Variants in SLC4A9 observed in about 807,000 individuals in gnomAD.
SLC4A9 encodes the protein solute carrier family 4 member 9, also known as anion exchange protein 4.
Under a neutral mutation model 103.2 loss-of-function variants are expected in SLC4A9, and 102 were observed. That is an observed-to-expected ratio of 0.99 (90% confidence interval 0.84 to 1.17). SLC4A9 has a LOEUF of 1.17. Among genes scored for constraint, SLC4A9 ranks in the 50% most tolerant of loss-of-function variants. The pLI is 0.00. For missense variants in SLC4A9, 1,091 were observed against 1,193.7 expected (o/e 0.91, Z 1.27); for synonymous variants, 453 against 483.6 (o/e 0.94, Z 0.83).
Position 140,362,538 on chromosome 5 carries a change from CT to C in SLC4A9, c.807+7del. On this transcript the variant is annotated splice_region_variant and intron_variant, in intron 6 of 21. Transcript: ENST00000506757. ...CTGTCCTCCTCAGTGACCCGGTGAG[CT>C]GAGCAGGTGTGTGTGTGTGCGCGCG... 6.2e-7 allele frequency: 1 copy of C among 1,613,766 alleles called. No homozygotes were observed.
chr5:140,361,471 C>A, intron 3 of SLC4A9, 104 bp downstream of exon 3: 1 of 944,520 alleles, frequency 1.1e-6, no homozygotes, highest in Non-Finnish European at 1.6e-6. Context: ...TTAGTTCAGG[C>A]TCCAACCCAG....
chr5:140,370,192 G>A (rs1186820154), intron 17 of SLC4A9, among the ~76,000 whole-genome samples: 4 of 152,086 alleles, frequency 2.6e-5, no homozygotes, highest in African/African-American at 9.6e-5. Context: ...AGCCAGGCAC[G>A]GTGGCTCACG....
chr5:140,371,403 A>T, intron 18 of SLC4A9, 48 bp from the exon 19 acceptor site: 1 of 1,607,974 alleles, frequency 6.2e-7, no homozygotes, highest in African/African-American at 1.3e-5. Flanking sequence ...ACACCCTCCT[A>T]TCAGGCTACC....
intron 14 of SLC4A9, among the ~76,000 whole-genome samples, chr5:140,366,618 TA>T (rs1290970086): frequency 6.6e-6 from 1 of 152,106 alleles, no homozygotes; most frequent in Non-Finnish European, 1.5e-5. Flanking sequence ...AAAATGGAAA[TA>T]ATAAAATGAC....
Position 140,362,162 on chromosome 5 carries a change from C to T in SLC4A9, c.707C>T (p.Ser236Phe), listed in dbSNP as rs267600375. The stretch of plus-strand genomic sequence containing the variant: ...GTACTGGGGTCCCTTACTGAGGTGT[C>T]CCTCCCAAGCAGGTGAGGCTACTGA... The part of the protein sequence containing the change: ...PVVLGSLTEV[S>F]LPSRFFCLLL... Residue 236 changes from serine (S) to phenylalanine (F), a missense_variant, in exon 5 of 22, where the codon TCC becomes TTC. Ser to Phe is a radical substitution (Grantham distance 155). Coordinates refer to ENST00000506757, the MANE Select transcript of SLC4A9 (RefSeq NM_031467.3). The T allele has an allele frequency of 6.5e-7, 1 of 1,539,342 alleles. No individual in the cohort carries two copies. The highest frequency in any genetic ancestry group is 2.3e-5 in the East Asian group (1 of 44,050).
chr5:140,371,756 C>A, intron 19 of SLC4A9, 132 bp downstream of exon 19: 2 of 1,077,558 alleles, frequency 1.9e-6, no homozygotes, highest in African/African-American at 1.6e-5. Flanking sequence ...GTTGGGAATC[C>A]TAAGACAAAG....
intron 17 of SLC4A9, among the ~76,000 whole-genome samples, chr5:140,370,058 A>C (rs1768473746): frequency 6.6e-6 from 1 of 152,146 alleles, no homozygotes; most frequent in African/African-American, 2.4e-5. Context: ...ACAAAAAAAC[A>C]AACAAAAACC....
At position 140,363,417 on chromosome 5, in the gene SLC4A9, C is replaced by G; in HGVS notation, c.963-22C>G. On this transcript the variant is annotated intron_variant, in intron 7 of 21. Transcript: ENST00000506757. The surrounding 1 kb of genome is among the most constrained non-coding windows in gnomAD (Gnocchi z 4.5). Reference sequence around the variant, plus strand: ...GACTGGTTGGAGATCCTCAGCCAACCTGGGGTTCCCCTCCTCCTCAGGCTT... The same window carrying G: ...GACTGGTTGGAGATCCTCAGCCAACGTGGGGTTCCCCTCCTCCTCAGGCTT... 5.2e-6 allele frequency: 8 copies of G among 1,548,468 alleles called. No homozygotes were observed. Among genetic ancestry groups the G allele is most frequent in the Non-Finnish European group, 7.0e-6 (8 of 1,144,696 alleles).
chr5:140,374,793 T>A (rs1330335190), intron 21 of SLC4A9, 34 bp from the exon 22 acceptor site: 1 of 152,134 alleles, frequency 6.6e-6, no homozygotes, highest in Admixed American at 6.6e-5. Context: ...ACTCAGGAAG[T>A]CAGGACATTT....
chr5:140,367,288 GCA>G, intron 14 of SLC4A9, 130 bp from the exon 15 acceptor site: 2 of 1,092,350 alleles, frequency 1.8e-6, no homozygotes, highest in Non-Finnish European at 1.3e-6. Context: ...AACCAGCTAT[GCA>G]CACACAGCCC....
Position 140,360,853 on chromosome 5 carries a change from G to A in SLC4A9, c.272G>A (p.Arg91Gln), listed in dbSNP as rs144340674. The A allele has an allele frequency of 1.7e-4, 269 of 1,613,092 alleles. No homozygotes were observed. The Middle Eastern group carries it at 2.0e-3, about 12-fold the overall frequency. ...FEEKLEVAAG[R>Q]WSAPHVPTLA... ...GAGAAGTTGGAGGTGGCTGCAGGCCGGTGGAGTGCCCCCCACGTGCCCACC... is the reference window on the plus strand; with the variant it reads ...GAGAAGTTGGAGGTGGCTGCAGGCCAGTGGAGTGCCCCCCACGTGCCCACC... Residue 91 changes from arginine to glutamine, a missense_variant, in exon 2 of 22, where the codon CGG (arginine) becomes CAG (glutamine). Transcript: ENST00000506757.
chr5:140,373,210 C>G (rs574744501), intron 21 of SLC4A9, among the ~76,000 whole-genome samples: 18 of 152,280 alleles, frequency 1.2e-4, no homozygotes, highest in South Asian at 4.1e-4. Flanking sequence ...AAGGCTCCCC[C>G]CTTAGGCTGC....
chr5:140,363,554 A>C lies in SLC4A9; in HGVS notation c.1078A>C (p.Arg360=), dbSNP rs1297256834. The part of the protein sequence containing the change: ...AHSPELQRTG[R]LFGGLIQDVR... Reference sequence around the variant, plus strand: ...CAGCCCGGAGTTGCAGCGGACCGGCAGGTGAGGCGAGCTGGGAGGAAACAA... The same window carrying C: ...CAGCCCGGAGTTGCAGCGGACCGGCCGGTGAGGCGAGCTGGGAGGAAACAA... The change falls in exon 8 of 22, where the codon AGG becomes CGG. Residue 360 remains arginine (R), a splice_region_variant and synonymous_variant. Coordinates refer to ENST00000506757, the MANE Select transcript of SLC4A9 (RefSeq NM_031467.3). The surrounding 1 kb of genome is among the most constrained non-coding windows in gnomAD (Gnocchi z 4.5). 1 of 1,552,470 alleles carries C rather than the reference A, an allele frequency of 6.4e-7. No individual in the cohort carries two copies. The highest frequency in any genetic ancestry group is 8.7e-7 in the Non-Finnish European group (1 of 1,147,858).
At chr5:140,374,614 G>T (rs978379851) in intron 21 of SLC4A9, among the ~76,000 whole-genome samples, 10 of 151,270 alleles carry the variant, frequency 6.6e-5, no homozygotes, top group Non-Finnish European at 1.0e-4. Flanking sequence ...GGGAAATTTG[G>T]GGGACTGGAG....
chr5:140,365,880 C>T lies in SLC4A9; in HGVS notation c.1757C>T (p.Thr586Ile). 1 of 1,613,972 alleles carries T rather than the reference C, an allele frequency of 6.2e-7. No individual in the cohort carries two copies. The highest frequency in any genetic ancestry group is 8.5e-7 in the Non-Finnish European group (1 of 1,179,872). ...TCCTTGCTGCCGCCACCTGAGTGCA[C>T]CCGGCAGGGAGGCCACCCTCGTGGC... is the stretch of plus-strand genomic sequence containing the variant. ...NASLLPPPEC[T>I]RQGGHPRGPG... The change falls in exon 13 of 22, where the codon ACC becomes ATC. Residue 586 changes from threonine (T) to isoleucine (I), a missense_variant. By Grantham distance (89) the Thr-to-Ile change is moderately conservative (BLOSUM62 -1). Coordinates refer to ENST00000506757, the MANE Select transcript of SLC4A9 (RefSeq NM_031467.3).
intron 21 of SLC4A9, among the ~76,000 whole-genome samples, chr5:140,373,517 G>C (rs528238575): frequency 4.7e-4 from 72 of 152,278 alleles, no homozygotes; most frequent in African/African-American, 1.6e-3. Flanking sequence ...TAGTAAGGTG[G>C]AGTGGTGAGA....
chr5:140,370,649 G>C (rs1251066470), intron 17 of SLC4A9, among the ~76,000 whole-genome samples: 1 of 152,148 alleles, frequency 6.6e-6, no homozygotes, highest in African/African-American at 2.4e-5. Flanking sequence ...GAGGAGGCAT[G>C]AGTAATAAGA....
intron 18 of SLC4A9, 71 bp downstream of exon 18, chr5:140,371,234 A>T (rs940421049): frequency 8.2e-5 from 123 of 1,507,940 alleles, no homozygotes; most frequent in Non-Finnish European, 1.0e-4. Flanking sequence ...GAACAAAATT[A>T]CCTAGCAACC....
intron 12 of SLC4A9, 44 bp downstream of exon 12, chr5:140,365,622 G>C (rs1767766651): frequency 1.3e-6 from 2 of 1,588,788 alleles, no homozygotes. Flanking sequence ...AAAGGGTGGA[G>C]ACCAAGGCAG....
Sources: allele counts gnomAD v4.1 joint callset (sites outside exome capture counted in the v4.1 genomes callset), GRCh38; gene constraint gnomAD v4.1.1; non-coding constraint Gnocchi (gnomAD v3.1); transcripts MANE v1.5; gene names NCBI Gene and HGNC (gene_info 2026-07-23, HGNC 2026-07-21).